Variants in RASSF4 observed in about 807,000 individuals in gnomAD.
RASSF4 encodes Ras association domain family member 4.
RASSF4 carries 38 observed loss-of-function variants against 41.1 expected under a neutral mutation model. That is an observed-to-expected ratio of 0.92 (90% CI 0.71 to 1.21). The LOEUF is 1.21. RASSF4 is among the 50% of genes most tolerant of loss of function. The pLI is 0.00. For synonymous variants in RASSF4, 179 were observed against 163.4 expected, an observed-to-expected ratio of 1.10 and a Z score of -0.73; for missense variants, 414 against 419.4, an observed-to-expected ratio of 0.99 and a Z score of 0.11.
chr10:44,984,815 C>A lies in RASSF4; in HGVS notation c.376C>A (p.Pro126Thr). 1.9e-6 allele frequency: 3 copies of A among 1,613,452 alleles called. No individual in the cohort carries two copies. Among genetic ancestry groups the A allele is most frequent in the East Asian group, 2.2e-5 (1 of 44,882 alleles). Residue 126 changes from proline to threonine, a missense_variant and splice_region_variant, in exon 6 of 11, where the codon CCC (proline) becomes ACC (threonine). Coordinates refer to ENST00000340258, the MANE Select transcript of RASSF4 (RefSeq NM_032023.4). ...KAESSTDSSG[P>T]LEEAEEAPQL... Reference sequence around the variant, plus strand: ...TCTCTCACCCATTTCTCATGCAGGGCCCCTGGAGGAGGCAGAGGAGGCCCC... The same window carrying A: ...TCTCTCACCCATTTCTCATGCAGGGACCCTGGAGGAGGCAGAGGAGGCCCC...
At chr10:44,977,939 G>A (rs142425412) in intron 3 of RASSF4, 5 of 1,612,490 alleles carry the variant, frequency 3.1e-6, no homozygotes, top group Admixed American at 1.7e-5. Flanking sequence ...AGAGGGTGGG[G>A]GCTCCTGTCC....
At chr10:44,963,284 G>A (rs73279383) in intron 1 of RASSF4, among the ~76,000 whole-genome samples, 2,875 of 140,926 alleles carry the variant, frequency 0.02, 109 homozygotes, top group African/African-American at 0.07. Context: ...AAGGAGGTGG[G>A]AGCAGCAGCT....
chr10:44,962,699 T>A (rs939451472), intron 1 of RASSF4, among the ~76,000 whole-genome samples: 2 of 152,194 alleles, frequency 1.3e-5, no homozygotes, highest in African/African-American at 4.8e-5. Flanking sequence ...AAACCATAGC[T>A]AAGAAGATCT....
chr10:44,964,041 C>G (rs1370276686), intron 1 of RASSF4, among the ~76,000 whole-genome samples: 1 of 152,236 alleles, frequency 6.6e-6, no homozygotes, highest in South Asian at 2.1e-4. Flanking sequence ...GAAAGAATCA[C>G]AGTCACCTTC....
At position 44,993,395 on chromosome 10, in the gene RASSF4, G is replaced by C; in HGVS notation, c.*66G>C. On this transcript the variant is annotated 3_prime_UTR_variant, in exon 11 of 11. Transcript: ENST00000340258. Reference sequence around the variant, plus strand: ...AGGTGTACACTGAGCCCTGGTTGCTGGCCCCGGCCGGTCACATTGACTGAT... The same window carrying C: ...AGGTGTACACTGAGCCCTGGTTGCTCGCCCCGGCCGGTCACATTGACTGAT... The C allele has an allele frequency of 7.5e-7, 1 of 1,329,236 alleles. No homozygotes were observed. The highest frequency in any genetic ancestry group is 1.0e-6 in the Non-Finnish European group (1 of 956,830). 82.3% of individuals were successfully genotyped at this position (1,329,236 alleles called of 1,614,324 possible).
chr10:44,989,781 C>T, intron 8 of RASSF4, 60 bp downstream of exon 8: 1 of 1,445,040 alleles, frequency 6.9e-7, no homozygotes, highest in South Asian at 1.1e-5. Flanking sequence ...GTTCAGCAAG[C>T]CCCCTCCCCA....
At position 44,989,300 on chromosome 10, in the gene RASSF4, A is replaced by T; in HGVS notation, c.558A>T (p.Gly186=). The T allele has an allele frequency of 6.2e-7, 1 of 1,613,758 alleles. No individual in the cohort carries two copies. Among genetic ancestry groups the T allele is most frequent in the Non-Finnish European group, 8.5e-7 (1 of 1,179,770 alleles). The change falls in exon 7 of 11, where the codon GGA becomes GGT. Residue 186 remains glycine (G), a synonymous_variant. Transcript: ENST00000340258. ...CCTCCGTGTTTACTCCAGCCTATGG[A>T]TCCGTGACCAATGTGAGGGTCAACA... ...HKTSVFTPAY[G]SVTNVRVNST...
At chr10:44,992,025 G>A (rs780099977) in intron 10 of RASSF4, 23 bp downstream of exon 10, 5 of 1,485,994 alleles carry the variant, frequency 3.4e-6, no homozygotes, top group Non-Finnish European at 3.8e-6. Context: ...TAAACAGACA[G>A]TCATGGGTCC....
chr10:44,984,029 C>T lies in RASSF4; in HGVS notation c.289C>T (p.Pro97Ser), dbSNP rs1382797163. 4.4e-6 allele frequency: 7 copies of T among 1,598,336 alleles called. No homozygotes were observed. The East Asian group carries it at 1.1e-4, about 26-fold the overall frequency. ...PRRPSCPLKEPSPQNGNITAQ... is the reference protein window; with the variant it reads ...PRRPSCPLKESSPQNGNITAQ... ...GCAGTTGTCTGTTTTCAGAAAGGAG[C>T]CATCGCCCCAGAACGGGAACATCAC... Residue 97 changes from proline to serine, a missense_variant, in exon 5 of 11, where the codon CCA becomes TCA. Pro to Ser is a moderately conservative substitution (Grantham distance 74, BLOSUM62 -1). Coordinates refer to ENST00000340258, the MANE Select transcript of RASSF4 (RefSeq NM_032023.4).
At position 44,989,804 on chromosome 10, in the gene RASSF4, T is replaced by G. The variant is rs375253704; in HGVS notation, c.685+83T>G. ...AGCCCCCTCCCCACCAACCACTGAC[T>G]GTACTCCCTTCCAGATGGGCTCCGT... is the stretch of plus-strand genomic sequence containing the variant. On this transcript the variant is annotated intron_variant, in intron 8 of 10. Coordinates refer to ENST00000340258, the MANE Select transcript of RASSF4 (RefSeq NM_032023.4). The G allele has an allele frequency of 2.9e-4, 358 of 1,219,332 alleles. 1 individual carries two copies. The highest frequency in any genetic ancestry group is 1.7e-3 in the Middle Eastern group (9 of 5,334). 75.5% of individuals were successfully genotyped at this position (1,219,332 alleles called of 1,614,324 possible). A position where few individuals can be genotyped will look rare whatever the true frequency, so the allele number is the denominator to read the frequency against.
chr10:44,968,065 G>A (rs1409774309), intron 1 of RASSF4, among the ~76,000 whole-genome samples: 1 of 152,202 alleles, frequency 6.6e-6, no homozygotes, highest in South Asian at 2.1e-4. Flanking sequence ...AGGAAGTTGG[G>A]GTGGAAGCTG....
At chr10:44,973,897 C>G (rs1841285676) in intron 3 of RASSF4, among the ~76,000 whole-genome samples, 1 of 152,232 alleles carries the variant, frequency 6.6e-6, no homozygotes, top group Non-Finnish European at 1.5e-5. Context: ...AGTTAACCCA[C>G]TAGGGGGATT....
chr10:44,984,182 C>A, intron 5 of RASSF4, 69 bp downstream of exon 5: 1 of 1,407,654 alleles, frequency 7.1e-7, no homozygotes, highest in Non-Finnish European at 9.5e-7. Context: ...GCTTGGCTCA[C>A]AACCACAATC....
chr10:44,963,710 C>T (rs541042414), intron 1 of RASSF4, among the ~76,000 whole-genome samples: 4 of 152,290 alleles, frequency 2.6e-5, no homozygotes, highest in East Asian at 3.9e-4. Context: ...ATTTAAATCA[C>T]GCTGAAATAA....
intron 1 of RASSF4, among the ~76,000 whole-genome samples, chr10:44,960,449 C>T (rs1588775133): frequency 6.6e-6 from 1 of 152,200 alleles, no homozygotes; most frequent in South Asian, 2.1e-4. Flanking sequence ...GGTGATGGAG[C>T]CAGGATTTGA....
In RASSF4 at chr10:44,984,958, C is replaced by G; in HGVS notation, c.519C>G (p.Phe173Leu). The change falls in exon 6 of 11, where the codon TTC becomes TTG. Residue 173 changes from phenylalanine to leucine, a missense_variant. Coordinates refer to ENST00000340258, the MANE Select transcript of RASSF4 (RefSeq NM_032023.4). The part of the protein sequence containing the change: ...RRHRFSINGH[F>L]YNHKTSVFTP... ...ACCGGTTCTCTATCAACGGCCACTT[C>G]TACAATCATAAGGTGATGCCCCAGC... The G allele has an allele frequency of 3.7e-6, 6 of 1,612,088 alleles. No homozygotes were observed. The highest frequency in any genetic ancestry group is 1.6e-4 in the Middle Eastern group (1 of 6,062).
Position 44,982,549 on chromosome 10 carries a change from T to C in RASSF4, c.167T>C (p.Leu56Pro), listed in dbSNP as rs771285870. Residue 56 changes from leucine to proline, a missense_variant, in exon 4 of 11, where the codon CTC becomes CCC. Coordinates refer to ENST00000340258, the MANE Select transcript of RASSF4 (RefSeq NM_032023.4). ...GAAGGGACTCTGATCATCGAGGGGC[T>C]CCTCAACATTGCCTGGGGGCTGAGG... ...EEEGTLIIEG[L>P]LNIAWGLRRP... The C allele has an allele frequency of 3.1e-6, 5 of 1,612,046 alleles. No homozygotes were observed. The highest frequency in any genetic ancestry group is 4.2e-6 in the Non-Finnish European group (5 of 1,179,116).
At chr10:44,970,311 A>G in intron 2 of RASSF4, 47 bp downstream of exon 2, 1 of 1,486,070 alleles carries the variant, frequency 6.7e-7, no homozygotes, top group Non-Finnish European at 9.4e-7. Context: ...CACATTTGCC[A>G]TCCCCCTCAT....
chr10:44,965,687 G>A (rs1409757673), intron 1 of RASSF4, among the ~76,000 whole-genome samples: 1 of 152,224 alleles, frequency 6.6e-6, no homozygotes, highest in Non-Finnish European at 1.5e-5. Flanking sequence ...TGGGCCCTGA[G>A]CCACCTCCCT....
Sources: gnomAD v4.1 joint callset for allele counts (sites outside exome capture counted in the v4.1 genomes callset) on GRCh38, gnomAD v4.1.1 for gene constraint, MANE v1.5 for transcripts, NCBI Gene and HGNC (gene_info 2026-07-23, HGNC 2026-07-21) for gene names.